CCDC39: variants seen among roughly 807,000 people sequenced by gnomAD.
CCDC39 encodes the protein coiled-coil domain 39 molecular ruler complex subunit.
CCDC39 carries 113 observed loss-of-function variants against 121.0 expected under a neutral mutation model. The observed-to-expected ratio is 0.93, with a 90% CI of 0.80 to 1.09. The LOEUF is 1.09. Among genes scored for constraint, CCDC39 ranks in the 50% least tolerant of loss-of-function variants. The pLI, the probability that CCDC39 is intolerant of heterozygous loss-of-function variation, is 0.00. For missense variants in CCDC39, 1,063 were observed against 1,074.7 expected (o/e 0.99, Z 0.15); for synonymous variants, 349 against 352.2 (o/e 0.99, Z 0.10).
At chr3:180,664,399 A>T (rs1711820260) in intron 1 of CCDC39, among the ~76,000 whole-genome samples, 2 of 152,334 alleles carry the variant, frequency 1.3e-5, no homozygotes, top group South Asian at 4.1e-4. Flanking sequence ...ATACCATCAC[A>T]TTGAGGATTG....
In CCDC39 at chr3:180,616,603, CTG is replaced by C. The variant is rs1007345781; in HGVS notation, c.2497_2498del (p.Gln833ValfsTer6). 21 of 1,598,498 alleles carry C rather than the reference CTG, an allele frequency of 1.3e-5. No individual in the cohort carries two copies. The African/African-American group carries it at 1.3e-4, about 10-fold the overall frequency. On this transcript the variant is annotated frameshift_variant, in exon 18 of 20. Coordinates refer to ENST00000476379, the MANE Select transcript of CCDC39 (RefSeq NM_181426.2). LOFTEE classifies it high-confidence loss of function. Reference sequence around the variant, plus strand: ...ACATTTCATCAATAACTTTGTGAAACTGTTTCATTTCACGAAGTTTGATGTCT... The same window carrying C: ...ACATTTCATCAATAACTTTGTGAAACTTTCATTTCACGAAGTTTGATGTCT... ...EQDIKLREMK[Q>X]FHKVIDEMLV...
In CCDC39 at chr3:180,679,242, C is replaced by T; in HGVS notation, c.90+49G>A. 1 of 1,486,100 alleles carries T rather than the reference C, an allele frequency of 6.7e-7. No homozygotes were observed. The highest frequency in any genetic ancestry group is 2.3e-5 in the East Asian group (1 of 44,270). 92.1% of individuals were successfully genotyped at this position (1,486,100 alleles called of 1,614,324 possible). A position where few individuals can be genotyped will look rare whatever the true frequency, so the allele number is the denominator to read the frequency against. On this transcript the variant is annotated intron_variant, in intron 1 of 19. Coordinates refer to ENST00000476379, the MANE Select transcript of CCDC39 (RefSeq NM_181426.2). This position sits in a 1 kb window ranked among gnomAD's most constrained non-coding sequence, Gnocchi z 4.0. ...GGTAGTACTGCCAACCAGAAAACGC[C>T]CCCAACAGGCTCTCTCTGCTTCCTC...
chr3:180,636,057 C>T (rs1212327914), intron 13 of CCDC39, among the ~76,000 whole-genome samples: 2 of 152,150 alleles, frequency 1.3e-5, no homozygotes, highest in African/African-American at 4.8e-5. Flanking sequence ...GACAAGGATG[C>T]CCTCTCTCGT....
chr3:180,664,493 A>G (rs889710975), intron 1 of CCDC39, among the ~76,000 whole-genome samples: 4 of 152,178 alleles, frequency 2.6e-5, no homozygotes, highest in Admixed American at 6.5e-5. Flanking sequence ...AACTTCTAAA[A>G]TCTACTAATT....
chr3:180,638,303 T>C (rs1214725834), intron 13 of CCDC39, among the ~76,000 whole-genome samples: 1 of 152,164 alleles, frequency 6.6e-6, no homozygotes, highest in Non-Finnish European at 1.5e-5. Context: ...TCTAGCAGAA[T>C]ATGAAACAAT....
In CCDC39 at chr3:180,648,361, T is replaced by C. The variant is rs1468349011; in HGVS notation, c.1168-2A>G. 6.5e-7 allele frequency: 1 copy of C among 1,529,538 alleles called. No homozygotes were observed. The highest frequency in any genetic ancestry group is 1.3e-5 in the South Asian group (1 of 78,406). 94.7% of individuals were successfully genotyped at this position (1,529,538 alleles called of 1,614,324 possible). A position where few individuals can be genotyped will look rare whatever the true frequency, so the allele number is the denominator to read the frequency against. On this transcript the variant is annotated splice_acceptor_variant, in intron 9 of 19. Coordinates refer to ENST00000476379, the MANE Select transcript of CCDC39 (RefSeq NM_181426.2). LOFTEE classifies it high-confidence loss of function. ...GAGGTTCAGTTGAACATCTACTTCCTGATAATGAGAATTATAGTGATTAAT... is the reference window on the plus strand; with the variant it reads ...GAGGTTCAGTTGAACATCTACTTCCCGATAATGAGAATTATAGTGATTAAT...
rs1576958658 is a variant in CCDC39, at chr3:180,679,483, A to T, written c.-103T>A. Reference sequence around the variant, plus strand: ...CCAGGCACCTGCACAGTGCCGCGGCAATTGCCGGGGGAGCCCTAGCAACCT... The same window carrying T: ...CCAGGCACCTGCACAGTGCCGCGGCTATTGCCGGGGGAGCCCTAGCAACCT... On this transcript the variant is annotated 5_prime_UTR_variant, in exon 1 of 20. Transcript: ENST00000476379. This position sits in a 1 kb window ranked among gnomAD's most constrained non-coding sequence, Gnocchi z 4.0. 2.7e-6 allele frequency: 3 copies of T among 1,105,554 alleles called. No homozygotes were observed. The highest frequency in any genetic ancestry group is 4.2e-6 in the Non-Finnish European group (3 of 717,492). The allele number at this position is 1,105,554 out of a possible 1,614,324, so 68.5% of individuals were successfully genotyped here. A position where few individuals can be genotyped will look rare whatever the true frequency, so the allele number is the denominator to read the frequency against.
chr3:180,662,687 C>T (rs1241251215), intron 2 of CCDC39, among the ~76,000 whole-genome samples: 1 of 152,116 alleles, frequency 6.6e-6, no homozygotes, highest in East Asian at 1.9e-4. Context: ...AGTAGTTTAA[C>T]AACTTAAGGA....
intron 6 of CCDC39, among the ~76,000 whole-genome samples, chr3:180,655,746 T>A (rs1042055420): frequency 6.6e-6 from 1 of 152,058 alleles, no homozygotes; most frequent in Non-Finnish European, 1.5e-5. Flanking sequence ...AAGGTAGGGT[T>A]TAGGGCCAAA....
intron 14 of CCDC39, among the ~76,000 whole-genome samples, chr3:180,620,412 T>G (rs1489123610): frequency 2.0e-5 from 3 of 152,102 alleles, no homozygotes; most frequent in Middle Eastern, 3.4e-3. Flanking sequence ...TTGCCACAAT[T>G]TTAAAAATAA....
In CCDC39 at chr3:180,654,724, C is replaced by T. The variant is rs761670606; in HGVS notation, c.930+38G>A. On this transcript the variant is annotated intron_variant, in intron 7 of 19. Transcript: ENST00000476379. The stretch of plus-strand genomic sequence containing the variant: ...TATTTTATATTTTATAGTGATTTGT[C>T]GTGAACATACAAGCCAGTCTTTTTT... 24 of 1,415,352 alleles carry T rather than the reference C, an allele frequency of 1.7e-5. No homozygotes were observed. The East Asian group carries it at 2.9e-4, about 17-fold the overall frequency. 87.7% of individuals were successfully genotyped at this position (1,415,352 alleles called of 1,614,324 possible). A position where few individuals can be genotyped will look rare whatever the true frequency, so the allele number is the denominator to read the frequency against.
chr3:180,648,346 T>G lies in CCDC39; in HGVS notation c.1181A>C (p.Gln394Pro), dbSNP rs1718122356. ...EEKDVKEVDV[Q>P]LNLIKGVLFK... ...CAGCACACCTTTTATGAGGTTCAGT[T>G]GAACATCTACTTCCTGATAATGAGA... Residue 394 changes from glutamine to proline, a missense_variant, in exon 10 of 20, where the codon CAA becomes CCA. By Grantham distance (76) the Gln-to-Pro change is moderately conservative (BLOSUM62 -1). Coordinates refer to ENST00000476379, the MANE Select transcript of CCDC39 (RefSeq NM_181426.2). 2 of 1,563,530 alleles carry G rather than the reference T, an allele frequency of 1.3e-6. No individual in the cohort carries two copies. Among genetic ancestry groups the G allele is most frequent in the Non-Finnish European group, 1.7e-6 (2 of 1,155,812 alleles).
At chr3:180,616,246 GAGTT>G in intron 19 of CCDC39, 31 bp downstream of exon 19, 1 of 1,584,034 alleles carries the variant, frequency 6.3e-7, no homozygotes, top group Non-Finnish European at 8.7e-7. Context: ...ACAGCTGTGA[GAGTT>G]AAGCAGATTT....
chr3:180,636,813 A>T (rs767029392), intron 13 of CCDC39, among the ~76,000 whole-genome samples: 1 of 152,196 alleles, frequency 6.6e-6, no homozygotes, highest in Non-Finnish European at 1.5e-5. Context: ...AAAACTGAGA[A>T]AAACTATCAG....
At chr3:180,670,012 T>C (rs1265334879) in intron 1 of CCDC39, among the ~76,000 whole-genome samples, 4 of 152,170 alleles carry the variant, frequency 2.6e-5, no homozygotes, top group Non-Finnish European at 5.9e-5. Context: ...TCCTGGCACA[T>C]AGTAATCTCT....
At chr3:180,644,577 A>G (rs1310440670) in intron 11 of CCDC39, among the ~76,000 whole-genome samples, 1 of 152,188 alleles carries the variant, frequency 6.6e-6, no homozygotes. Context: ...TTGCAGGACA[A>G]CTGCACTACC....
chr3:180,667,733 A>G (rs894152786), intron 1 of CCDC39, among the ~76,000 whole-genome samples: 1 of 152,182 alleles, frequency 6.6e-6, no homozygotes, highest in Non-Finnish European at 1.5e-5. Flanking sequence ...GATGGCCTCT[A>G]TGTATAAAAA....
intron 1 of CCDC39, among the ~76,000 whole-genome samples, chr3:180,664,299 C>T (rs982638859): frequency 2.6e-5 from 4 of 152,128 alleles, no homozygotes; most frequent in African/African-American, 9.7e-5. Flanking sequence ...GAGATCATCT[C>T]CCTCTTGTCT....
Position 180,619,333 on chromosome 3 carries a change from CT to C in CCDC39, c.2190del (p.Glu731AsnfsTer31), listed in dbSNP as rs587778820. 19 of 1,539,432 alleles carry C rather than the reference CT, an allele frequency of 1.2e-5. No individual in the cohort carries two copies. Among genetic ancestry groups the C allele is most frequent in the Non-Finnish European group, 1.5e-5 (17 of 1,138,298 alleles). On this transcript the variant is annotated frameshift_variant, in exon 16 of 20. Coordinates refer to ENST00000476379, the MANE Select transcript of CCDC39 (RefSeq NM_181426.2). LOFTEE classifies it high-confidence loss of function. ...SDEYELKIQLEEQKRAVDEKY... is the reference protein window; with the variant it reads ...SDEYELKIQLXEQKRAVDEKY... The stretch of plus-strand genomic sequence containing the variant: ...TTTTCATCAACAGCTCTTTTTTGTT[CT>C]TCTAGTTGAATTTTTAGCTCATACT...
Sources: allele counts gnomAD v4.1 joint callset (sites outside exome capture counted in the v4.1 genomes callset), GRCh38; gene constraint gnomAD v4.1.1; non-coding constraint Gnocchi (gnomAD v3.1); transcripts MANE v1.5; gene names NCBI Gene and HGNC (gene_info 2026-07-23, HGNC 2026-07-21).